C1orf53: variants seen among roughly 807,000 people sequenced by gnomAD.
C1orf53 encodes the protein chromosome 1 open reading frame 53, also known as uncharacterized protein C1orf53.
In C1orf53, 23 loss-of-function variants were observed where a neutral mutation model predicts 17.5. The ratio of observed to expected loss-of-function variants is 1.31; its 90% confidence interval spans 0.94 to 1.86. The LOEUF is 1.86. Ranked by LOEUF, C1orf53 falls within the 40% of genes most tolerant of loss-of-function variation. C1orf53 has a pLI of 0.00. For synonymous variants in C1orf53, 108 were observed against 81.9 expected, an observed-to-expected ratio of 1.32 and a Z score of -1.72; for missense variants, 255 against 193.2, an observed-to-expected ratio of 1.32 and a Z score of -1.89.
intron 2 of C1orf53, among the ~76,000 whole-genome samples, chr1:197,906,923 G>A (rs920158371): frequency 3.9e-4 from 60 of 152,248 alleles, no homozygotes; most frequent in African/African-American, 1.3e-3. Context: ...TTTTTTGACA[G>A]TAAAATTCTT....
chr1:197,906,328 T>C (rs182100128), intron 2 of C1orf53, among the ~76,000 whole-genome samples: 5 of 152,198 alleles, frequency 3.3e-5, no homozygotes, highest in Admixed American at 3.3e-4. Flanking sequence ...TGATTTTTTC[T>C]TTTCTTCTTT....
In C1orf53 at chr1:197,905,849, G is replaced by A; in HGVS notation, c.318G>A (p.Gln106=). Residue 106 remains glutamine, a synonymous_variant, in exon 2 of 3, where the codon CAG becomes CAA. Coordinates refer to ENST00000367393, the MANE Select transcript of C1orf53 (RefSeq NM_001024594.3). The stretch of plus-strand genomic sequence containing the variant: ...CTACTGGCTATGTGGTGCTCACACA[G>A]ATTGCCCACTTGCAAAGAGGTGAAT... ...DPATGYVVLT[Q]IAHLQRGECC... The A allele has an allele frequency of 6.2e-7, 1 of 1,614,012 alleles. No homozygotes were observed. Among genetic ancestry groups the A allele is most frequent in the Non-Finnish European group, 8.5e-7 (1 of 1,179,884 alleles).
intron 2 of C1orf53, 47 bp from the exon 3 acceptor site, chr1:197,907,102 A>G (rs770412958): frequency 8.5e-7 from 1 of 1,172,382 alleles, no homozygotes; most frequent in Admixed American, 2.1e-5. Context: ...CTTTTTCAAG[A>G]TGATTGTTAA....
chr1:197,906,165 T>A (rs2102583457), intron 2 of C1orf53, among the ~76,000 whole-genome samples: 2 of 152,256 alleles, frequency 1.3e-5, no homozygotes, highest in East Asian at 1.9e-4. Flanking sequence ...ACAAGGAAAC[T>A]TTTCATGGGG....
chr1:197,902,788 G>A lies in C1orf53; in HGVS notation c.139G>A (p.Gly47Arg), dbSNP rs763695820. The change falls in exon 1 of 3, where the codon GGA (glycine) becomes AGA (arginine). Residue 47 changes from glycine (G) to arginine (R), a missense_variant. Coordinates refer to ENST00000367393, the MANE Select transcript of C1orf53 (RefSeq NM_001024594.3). ...LSLTLCPANE[G>R]NCGGSAPSTP... ...CTTAACCCTCTGCCCTGCTAACGAG[G>A]GAAACTGCGGCGGCTCCGCGCCCAG... 2.5e-6 allele frequency: 4 copies of A among 1,581,382 alleles called. No homozygotes were observed. The highest frequency in any genetic ancestry group is 3.4e-6 in the Non-Finnish European group (4 of 1,170,910).
chr1:197,903,583 C>G (rs901744535), intron 1 of C1orf53, among the ~76,000 whole-genome samples: 2 of 151,824 alleles, frequency 1.3e-5, no homozygotes, highest in African/African-American at 4.8e-5. Flanking sequence ...ACAAAAGAAA[C>G]AGTGAGAAAA....
In C1orf53 at chr1:197,902,808, G is replaced by C. The variant is rs750760363; in HGVS notation, c.159G>C (p.Ala53=). Reference sequence around the variant, plus strand: ...ACGAGGGAAACTGCGGCGGCTCCGCGCCCAGCACGCCCGGTAGGCCGGAGA... The same window carrying C: ...ACGAGGGAAACTGCGGCGGCTCCGCCCCCAGCACGCCCGGTAGGCCGGAGA... The part of the protein sequence containing the change: ...PANEGNCGGS[A]PSTPGRPERA... Residue 53 remains alanine (A), a synonymous_variant, in exon 1 of 3, where the codon GCG becomes GCC. Transcript: ENST00000367393. The C allele has an allele frequency of 4.4e-6, 7 of 1,575,010 alleles. No homozygotes were observed. The African/African-American group carries it at 5.6e-5, about 12-fold the overall frequency.
chr1:197,907,121 A>C, intron 2 of C1orf53, 28 bp from the exon 3 acceptor site: 1 of 1,336,888 alleles, frequency 7.5e-7, no homozygotes, highest in Non-Finnish European at 1.1e-6. Context: ...AAATAATTTA[A>C]TAATAATTTG....
At chr1:197,904,394 C>T (rs1217662143) in intron 1 of C1orf53, among the ~76,000 whole-genome samples, 1 of 152,194 alleles carries the variant, frequency 6.6e-6, no homozygotes, top group Non-Finnish European at 1.5e-5. Context: ...AGAGCAGGGG[C>T]ATGCGCAGGA....
At chr1:197,906,275 T>C (rs1040125919) in intron 2 of C1orf53, among the ~76,000 whole-genome samples, 10 of 152,190 alleles carry the variant, frequency 6.6e-5, no homozygotes, top group African/African-American at 2.4e-4. Context: ...GTTGAATAAA[T>C]AGAAACTCGC....
At chr1:197,903,632 T>C (rs1659474470) in intron 1 of C1orf53, among the ~76,000 whole-genome samples, 2 of 152,328 alleles carry the variant, frequency 1.3e-5, no homozygotes, top group Middle Eastern at 3.4e-3. Context: ...AAAAGCAGTA[T>C]GAAATGAACC....
intron 1 of C1orf53, 126 bp downstream of exon 1, chr1:197,903,039 G>T: frequency 1.1e-6 from 1 of 898,276 alleles, no homozygotes; most frequent in Non-Finnish European, 1.5e-6. Flanking sequence ...ATACCGGTGC[G>T]GTCCTGCCTC....
At chr1:197,905,013 T>C (rs1659498755) in intron 1 of C1orf53, among the ~76,000 whole-genome samples, 1 of 152,172 alleles carries the variant, frequency 6.6e-6, no homozygotes, top group South Asian at 2.1e-4. Flanking sequence ...CTAAGTAATA[T>C]CACCCCAAAG....
intron 2 of C1orf53, among the ~76,000 whole-genome samples, chr1:197,906,797 C>T (rs1248052380): frequency 1.3e-5 from 2 of 152,124 alleles, no homozygotes; most frequent in African/African-American, 4.8e-5. Context: ...TAACTGTAGC[C>T]AGGATTAAAA....
intron 2 of C1orf53, among the ~76,000 whole-genome samples, chr1:197,906,411 C>A (rs1289532637): frequency 1.3e-5 from 2 of 151,726 alleles, no homozygotes; most frequent in African/African-American, 4.8e-5. Context: ...CCCCACCCCC[C>A]GCCACCACCT....
chr1:197,902,680 G>A lies in C1orf53; in HGVS notation c.31G>A (p.Gly11Ser). 6.7e-7 allele frequency: 1 copy of A among 1,498,862 alleles called. No homozygotes were observed. Among genetic ancestry groups the A allele is most frequent in the Non-Finnish European group, 8.8e-7 (1 of 1,131,520 alleles). 92.8% of individuals were successfully genotyped at this position (1,498,862 alleles called of 1,614,324 possible). The stretch of plus-strand genomic sequence containing the variant: ...GGCCAGGCAGATCTGGGCACGGACG[G>A]GTGCCGCGCTCTGCAGGCAACCTTC... MAARQIWART[G>S]AALCRQPSAA... is the part of the protein sequence containing the mutation. Residue 11 changes from glycine to serine, a missense_variant, in exon 1 of 3, where the codon GGT becomes AGT. Coordinates refer to ENST00000367393, the MANE Select transcript of C1orf53 (RefSeq NM_001024594.3).
At position 197,902,678 on chromosome 1, in the gene C1orf53, C is replaced by T; in HGVS notation, c.29C>T (p.Thr10Met). Residue 10 changes from threonine (T) to methionine (M), a missense_variant, in exon 1 of 3, where the codon ACG (threonine) becomes ATG (methionine). By Grantham distance (81) the Thr-to-Met change is moderately conservative. Coordinates refer to ENST00000367393, the MANE Select transcript of C1orf53 (RefSeq NM_001024594.3). MAARQIWARTGAALCRQPSA... is the reference protein window; with the variant it reads MAARQIWARMGAALCRQPSA... ...GCGGCCAGGCAGATCTGGGCACGGA[C>T]GGGTGCCGCGCTCTGCAGGCAACCT... The T allele has an allele frequency of 2.0e-6, 3 of 1,495,554 alleles. No homozygotes were observed. The highest frequency in any genetic ancestry group is 2.7e-6 in the Non-Finnish European group (3 of 1,129,896). The allele number at this position is 1,495,554 out of a possible 1,614,324, so 92.6% of individuals were successfully genotyped here.
chr1:197,903,699 G>T (rs1659475905), intron 1 of C1orf53, among the ~76,000 whole-genome samples: 1 of 152,180 alleles, frequency 6.6e-6, no homozygotes, highest in Non-Finnish European at 1.5e-5. Context: ...ATATTATATG[G>T]TATGACTTGA....
rs1416137130 is a variant in C1orf53 at position 197,902,920 on chromosome 1, C to T, written c.264+7C>T. The stretch of plus-strand genomic sequence containing the variant: ...GCACGCTGCCGCCTGCGCGGTGAGA[C>T]TCCCTCCTGCCCGCCCCGCCCCGCC... On this transcript the variant is annotated splice_region_variant and intron_variant, in intron 1 of 2. Coordinates refer to ENST00000367393, the MANE Select transcript of C1orf53 (RefSeq NM_001024594.3). 2.8e-6 allele frequency: 4 copies of T among 1,434,120 alleles called. No homozygotes were observed. The highest frequency in any genetic ancestry group is 3.6e-6 in the Non-Finnish European group (4 of 1,096,014). 88.8% of individuals were successfully genotyped at this position (1,434,120 alleles called of 1,614,324 possible).
Sources: allele counts gnomAD v4.1 joint callset (sites outside exome capture counted in the v4.1 genomes callset), GRCh38; gene constraint gnomAD v4.1.1; transcripts MANE v1.5; gene names NCBI Gene and HGNC (gene_info 2026-07-23, HGNC 2026-07-21).